The following THNSL1 variants were observed in gnomAD, a reference collection of about 807,000 sequenced individuals.
The protein encoded by THNSL1 is threonine synthase-like 1.
THNSL1 carries 48 observed loss-of-function variants against 50.4 expected under a neutral mutation model. The ratio of observed to expected loss-of-function variants is 0.95; its 90% CI spans 0.76 to 1.21. THNSL1 has a LOEUF of 1.21. THNSL1 is among the 50% of genes most tolerant of loss of function. The probability of loss-of-function intolerance (pLI) is 0.00; values close to 1 mark genes in which losing one functional copy is unlikely to be tolerated. For missense variants in THNSL1, 896 were observed against 871.7 expected, an observed-to-expected ratio of 1.03 and a Z score of -0.35; for synonymous variants, 309 against 306.1, an observed-to-expected ratio of 1.01 and a Z score of -0.10.
upstream of THNSL1, chr10:25,016,157 G>A: frequency 8.3e-7 from 1 of 1,206,016 alleles, no homozygotes; most frequent in Non-Finnish European, 1.0e-6. Flanking sequence ...GTCGTTGACT[G>A]TGCGGTTGCC....
At chr10:24,986,694 G>T in the THNSL1 span, among the ~76,000 whole-genome samples, 1 of 152,156 alleles carries the variant, frequency 6.6e-6, no homozygotes, top group African/African-American at 2.4e-5. Context: ...AGGATAGTTT[G>T]CTTTTATCTT....
In THNSL1 at chr10:25,026,555, T is replaced by G. The variant is rs1471570294; in HGVS notation, c.*1100T>G. The G allele has an allele frequency of 5.4e-5, 9 of 166,820 alleles. No homozygotes were observed. The highest frequency in any genetic ancestry group is 2.6e-4 in the Admixed American group (4 of 15,310). The allele number at this position is 166,820 out of a possible 1,614,324, so 10.3% of individuals were successfully genotyped here. A position where few individuals can be genotyped will look rare whatever the true frequency, so the allele number is the denominator to read the frequency against. On this transcript the variant is annotated 3_prime_UTR_variant, in exon 3 of 3. Transcript: ENST00000376356. The stretch of plus-strand genomic sequence containing the variant: ...TCTGGCAGCTGAAACTGCACACAAC[T>G]GATACACATATTTAATTTGTATTCC...
the THNSL1 span, among the ~76,000 whole-genome samples, chr10:24,960,179 G>A: frequency 6.6e-6 from 1 of 152,152 alleles, no homozygotes; most frequent in Non-Finnish European, 1.5e-5. Flanking sequence ...TGACCATGTG[G>A]TAGCTTGCAA....
At chr10:24,961,837 T>C in the THNSL1 span, among the ~76,000 whole-genome samples, 5 of 152,202 alleles carry the variant, frequency 3.3e-5, no homozygotes, top group African/African-American at 1.2e-4. Context: ...AGACTCAGCT[T>C]TAAAACCAGA....
At chr10:25,012,595 A>C (rs1248023241), upstream of THNSL1, among the ~76,000 whole-genome samples, 1 of 152,166 alleles carries the variant, frequency 6.6e-6, no homozygotes, top group Non-Finnish European at 1.5e-5. Context: ...GCCCTATTAG[A>C]ATCTGGACTT....
At chr10:24,997,725 A>G in the THNSL1 span, among the ~76,000 whole-genome samples, 8 of 151,970 alleles carry the variant, frequency 5.3e-5, no homozygotes, top group East Asian at 1.2e-3. Context: ...CTAAAGGCCA[A>G]TGAAATTTTG....
At chr10:24,991,372 A>G in the THNSL1 span, among the ~76,000 whole-genome samples, 1 of 152,142 alleles carries the variant, frequency 6.6e-6, no homozygotes, top group Non-Finnish European at 1.5e-5. Flanking sequence ...AAAGTCTTTG[A>G]AAACTTATGC....
the THNSL1 span, among the ~76,000 whole-genome samples, chr10:24,988,931 T>C: frequency 6.6e-6 from 1 of 151,540 alleles, no homozygotes; most frequent in Non-Finnish European, 1.5e-5. Flanking sequence ...GGTGGCTTTG[T>C]TACTATGGCA....
chr10:24,960,191 G>A, the THNSL1 span, among the ~76,000 whole-genome samples: 1 of 152,264 alleles, frequency 6.6e-6, no homozygotes, highest in Middle Eastern at 3.4e-3. Context: ...AGCTTGCAAA[G>A]GTAATTGTTT....
chr10:24,965,640 A>G, the THNSL1 span, among the ~76,000 whole-genome samples: 93 of 152,320 alleles, frequency 6.1e-4, no homozygotes, highest in Middle Eastern at 6.8e-3. Flanking sequence ...GGATTCCTCT[A>G]TGGATGGATA....
At chr10:24,980,423 A>G in the THNSL1 span, among the ~76,000 whole-genome samples, 1 of 152,154 alleles carries the variant, frequency 6.6e-6, no homozygotes, top group East Asian at 1.9e-4. Flanking sequence ...AATCTGATTT[A>G]GGATTCCCTT....
chr10:25,017,676 A>C (rs1850634920), intron 1 of THNSL1, among the ~76,000 whole-genome samples: 1 of 150,244 alleles, frequency 6.7e-6, no homozygotes, highest in Non-Finnish European at 1.5e-5. Context: ...ACGCTTAGGG[A>C]AAATTCTCCA....
At chr10:24,957,001 C>T in the THNSL1 span, among the ~76,000 whole-genome samples, 252 of 152,294 alleles carry the variant, frequency 1.7e-3, 1 homozygote, top group African/African-American at 5.9e-3. Flanking sequence ...ATCCTGAAAC[C>T]ATCCCCCCTC....
the THNSL1 span, among the ~76,000 whole-genome samples, chr10:25,006,141 T>C: frequency 6.6e-6 from 1 of 152,210 alleles, no homozygotes; most frequent in Non-Finnish European, 1.5e-5. Flanking sequence ...AATCTATCCT[T>C]GAATTAAACT....
At chr10:24,972,539 AT>A in the THNSL1 span, among the ~76,000 whole-genome samples, 1 of 151,964 alleles carries the variant, frequency 6.6e-6, no homozygotes, top group Non-Finnish European at 1.5e-5. Flanking sequence ...AATAATAATA[AT>A]TGCACTACTA....
At chr10:24,998,446 C>A in the THNSL1 span, among the ~76,000 whole-genome samples, 5 of 151,242 alleles carry the variant, frequency 3.3e-5, no homozygotes, top group African/African-American at 1.2e-4. Context: ...TTGATCATAG[C>A]TCACTGCAGT....
At chr10:24,971,499 T>C in the THNSL1 span, among the ~76,000 whole-genome samples, 1 of 152,206 alleles carries the variant, frequency 6.6e-6, no homozygotes, top group African/African-American at 2.4e-5. Context: ...AAGAGGATTC[T>C]TATAGCCTGG....
At chr10:24,995,019 T>C in the THNSL1 span, among the ~76,000 whole-genome samples, 1 of 151,920 alleles carries the variant, frequency 6.6e-6, no homozygotes, top group African/African-American at 2.4e-5. Flanking sequence ...AGAATATGTC[T>C]CAAAAAAAAT....
the THNSL1 span, among the ~76,000 whole-genome samples, chr10:24,963,991 A>G: frequency 1.3e-5 from 2 of 152,214 alleles, no homozygotes; most frequent in African/African-American, 2.4e-5. Flanking sequence ...ACCTGGTTTT[A>G]TAAAGATCAG....
Sources: allele counts gnomAD v4.1 joint callset (sites outside exome capture counted in the v4.1 genomes callset), GRCh38; gene constraint gnomAD v4.1.1; transcripts MANE v1.5; gene names NCBI Gene and HGNC (gene_info 2026-07-23, HGNC 2026-07-21).